The following TTC39C variants were observed in gnomAD, a reference collection of about 807,000 sequenced individuals.
TTC39C encodes tetratricopeptide repeat protein 39C.
Under a neutral mutation model 76.3 loss-of-function variants are expected in TTC39C, and 33 were observed. The ratio of observed to expected loss-of-function variants is 0.43; its 90% CI spans 0.33 to 0.58. The LOEUF is 0.58. Ranked by LOEUF, TTC39C falls within the 20% of genes least tolerant of loss-of-function variation. The pLI is 0.04. For synonymous variants in TTC39C, 254 were observed against 260.6 expected (o/e 0.97, Z 0.24); for missense variants, 595 against 701.4 (o/e 0.85, Z 1.71).
At chr18:24,068,045 C>G (rs1018868192) in intron 3 of TTC39C, among the ~76,000 whole-genome samples, 18 of 152,120 alleles carry the variant, frequency 1.2e-4, no homozygotes, top group Admixed American at 1.2e-3. Context: ...CTTCAGAGAG[C>G]TTTCTACAGT....
intron 9 of TTC39C, 84 bp downstream of exon 9, chr18:24,124,027 T>TA: frequency 1.0e-6 from 1 of 961,774 alleles, no homozygotes. Context: ...TAGGAAATTA[T>TA]ATTCAAGGCT....
intron 1 of TTC39C, 91 bp from the exon 2 acceptor site, chr18:24,064,049 A>G (rs2084135005): frequency 2.6e-6 from 4 of 1,533,868 alleles, no homozygotes; most frequent in Non-Finnish European, 3.5e-6. Context: ...GAAGGATTAT[A>G]TGGTAATCAT....
chr18:24,085,621 G>A (rs1253807276), intron 6 of TTC39C, among the ~76,000 whole-genome samples: 2 of 152,186 alleles, frequency 1.3e-5, no homozygotes, highest in African/African-American at 4.8e-5. Flanking sequence ...GTTTTTGGAG[G>A]TACATAGTCC....
At chr18:24,073,688 T>A (rs117727521) in intron 4 of TTC39C, among the ~76,000 whole-genome samples, 8,340 of 152,124 alleles carry the variant, frequency 0.055, 331 homozygotes, top group East Asian at 0.2. Context: ...GCTAATTTTT[T>A]AAAAATTTTT....
chr18:24,094,264 C>T (rs1483844977), intron 6 of TTC39C, among the ~76,000 whole-genome samples: 1 of 152,204 alleles, frequency 6.6e-6, no homozygotes, highest in Non-Finnish European at 1.5e-5. Context: ...CTTCAGGCTC[C>T]ACTTCTGATT....
rs142131269 is a variant in TTC39C at position 24,125,561 on chromosome 18, T to A, written c.1420+11T>A. 3.4e-3 allele frequency: 5,454 copies of A among 1,613,784 alleles called. 23 individuals are homozygous for A. The highest frequency in any genetic ancestry group is 0.024 in the Middle Eastern group (143 of 6,060). On this transcript the variant is annotated intron_variant, in intron 10 of 13. Transcript: ENST00000317571. The stretch of plus-strand genomic sequence containing the variant: ...AGAGGATGAGTCAAGGTAAAAAATT[T>A]AAAAAAACCCAAAACTGTCTACTGG...
At chr18:24,102,551 A>G (rs1322845431) in intron 6 of TTC39C, among the ~76,000 whole-genome samples, 3 of 152,128 alleles carry the variant, frequency 2.0e-5, no homozygotes, top group Non-Finnish European at 2.9e-5. Flanking sequence ...ACGACTGGAG[A>G]GGTGGGGACC....
intron 1 of TTC39C, 95 bp downstream of exon 1, chr18:24,015,133 C>A: frequency 8.4e-7 from 1 of 1,195,850 alleles, no homozygotes; most frequent in Non-Finnish European, 1.1e-6. Flanking sequence ...CCCCCTCCCC[C>A]TCCTGTCGGT....
chr18:24,095,470 C>CA (rs1290639147), intron 6 of TTC39C, among the ~76,000 whole-genome samples: 1 of 152,038 alleles, frequency 6.6e-6, no homozygotes, highest in Non-Finnish European at 1.5e-5. Context: ...AGGCTGAGGC[C>CA]AGCAGATCAC....
At chr18:24,003,449 C>G (rs1050884922) in intron 1 of TTC39C, among the ~76,000 whole-genome samples, 21 of 152,228 alleles carry the variant, frequency 1.4e-4, no homozygotes, top group African/African-American at 5.1e-4. Context: ...ATGTCTTCCA[C>G]AGCAGCTAGC....
At chr18:24,050,953 T>A (rs1032968778) in intron 1 of TTC39C, among the ~76,000 whole-genome samples, 1 of 152,144 alleles carries the variant, frequency 6.6e-6, no homozygotes, top group East Asian at 1.9e-4. Context: ...CTTTCATGAC[T>A]GAGTATATTT....
At chr18:24,016,693 C>G in intron 1 of TTC39C, 1 of 398,612 alleles carries the variant, frequency 2.5e-6, no homozygotes, top group Non-Finnish European at 4.4e-6. Flanking sequence ...GGAAAACTCT[C>G]TCCCAGCAAC....
chr18:24,095,778 C>T (rs2145782047), intron 6 of TTC39C, among the ~76,000 whole-genome samples: 1 of 152,310 alleles, frequency 6.6e-6, no homozygotes. Flanking sequence ...TAACTTCCAG[C>T]CTTTCTCAGC....
intron 1 of TTC39C, chr18:24,019,746 C>T: frequency 6.2e-6 from 5 of 801,308 alleles, no homozygotes; most frequent in Non-Finnish European, 9.5e-6. Flanking sequence ...CAGCCATGCT[C>T]ATTTGGTTAT....
intron 1 of TTC39C, among the ~76,000 whole-genome samples, chr18:24,024,706 C>T (rs755888487): frequency 2.0e-5 from 3 of 152,140 alleles, no homozygotes; most frequent in Non-Finnish European, 2.9e-5. Flanking sequence ...TCCCTCTGCA[C>T]ACCAACAACT....
Position 24,116,717 on chromosome 18 carries a change from A to G in TTC39C, c.1079-1408A>G, listed in dbSNP as rs2084896125. On this transcript the variant is annotated intron_variant, in intron 7 of 13. Coordinates refer to ENST00000317571, the MANE Select transcript of TTC39C (RefSeq NM_001135993.2). ...TGCACCTGATAACAGAATATTTTTTATGGAGGCAGTATCATGTAAAGGAAA... is the reference window on the plus strand; with the variant it reads ...TGCACCTGATAACAGAATATTTTTTGTGGAGGCAGTATCATGTAAAGGAAA... Among the ~76,000 whole-genome samples, 4 of 151,318 alleles carry G rather than the reference A, an allele frequency of 2.6e-5. No homozygotes were observed. The South Asian group carries it at 8.4e-4, about 32-fold the overall frequency.
chr18:24,002,133 T>C (rs887268120), intron 1 of TTC39C, among the ~76,000 whole-genome samples: 1 of 152,186 alleles, frequency 6.6e-6, no homozygotes, highest in Admixed American at 6.5e-5. Flanking sequence ...CTTGTGGGGC[T>C]GTCAGCCTCC....
intron 6 of TTC39C, 42 bp from the exon 7 acceptor site, chr18:24,114,512 G>A (rs189248033): frequency 5.0e-6 from 7 of 1,399,256 alleles, no homozygotes; most frequent in East Asian, 4.6e-5. Flanking sequence ...TAATGTTATC[G>A]ACAGATCTTA....
At chr18:24,045,906 TA>T (rs2083865576) in intron 1 of TTC39C, among the ~76,000 whole-genome samples, 2 of 40,286 alleles carry the variant, frequency 5.0e-5, no homozygotes, top group South Asian at 1.0e-3. Context: ...TATATATATA[TA>T]TATATATATA....
Sources: gnomAD v4.1 joint callset for allele counts (sites outside exome capture counted in the v4.1 genomes callset) on GRCh38, gnomAD v4.1.1 for gene constraint, MANE v1.5 for transcripts, NCBI Gene and HGNC (gene_info 2026-07-23, HGNC 2026-07-21) for gene names.